Variants in TMEM231 observed in about 807,000 individuals in gnomAD.
The protein encoded by TMEM231 is transmembrane protein 231.
Under a neutral mutation model 38.5 loss-of-function variants are expected in TMEM231, and 40 were observed. That is an observed-to-expected ratio of 1.04 (90% CI 0.81 to 1.35). The LOEUF is 1.35. TMEM231 is among the 40% of genes most tolerant of loss of function. TMEM231 has a pLI of 0.00. For missense variants in TMEM231, 420 were observed against 416.9 expected, an observed-to-expected ratio of 1.01 and a Z score of -0.07; for synonymous variants, 199 against 181.7, an observed-to-expected ratio of 1.10 and a Z score of -0.77.
chr16:75,540,156 C>G lies in TMEM231; in HGVS notation c.789G>C (p.Trp263Cys). The change falls in exon 7 of 7, where the codon TGG becomes TGC. Residue 263 changes from tryptophan (W) to cysteine (C), a missense_variant. Trp to Cys is a radical substitution (Grantham distance 215). Coordinates refer to ENST00000258173, the MANE Select transcript of TMEM231 (RefSeq NM_001077418.3). ...VEVISYQPGF[W>C]EMVKFAWVQY... ...GCACCCAGGCGAACTTTACCATCTCCCAGAATCCTGGCTGATAAGTATGGA... is the reference window on the plus strand; with the variant it reads ...GCACCCAGGCGAACTTTACCATCTCGCAGAATCCTGGCTGATAAGTATGGA... 6.2e-7 allele frequency: 1 copy of G among 1,613,310 alleles called. No individual in the cohort carries two copies. Among genetic ancestry groups the G allele is most frequent in the Non-Finnish European group, 8.5e-7 (1 of 1,179,596 alleles).
rs919696277 is a variant in TMEM231 at position 75,554,956 on chromosome 16, A to G, written c.309+848T>C. On this transcript the variant is annotated intron_variant, in intron 2 of 6. Coordinates refer to ENST00000258173, the MANE Select transcript of TMEM231 (RefSeq NM_001077418.3). ...AAAACAATTTTATTTAGTTGCTGGG[A>G]ACAAGTCTGATTTTCTTTTCTCCTC... is the stretch of plus-strand genomic sequence containing the variant. 3 of 152,328 alleles carry G rather than the reference A, an allele frequency of 2.0e-5. No individual in the cohort carries two copies. The East Asian group carries it at 5.8e-4, about 29-fold the overall frequency. The allele number at this position is 152,328 out of a possible 1,614,324, so 9.4% of individuals were successfully genotyped here.
chr16:75,555,151 T>C (rs1443380344), intron 2 of TMEM231: 1 of 152,166 alleles, frequency 6.6e-6, no homozygotes, highest in Admixed American at 6.5e-5. Flanking sequence ...AAGCAAATAC[T>C]AAATTACAGA....
chr16:75,551,564 A>G (rs933233384), intron 2 of TMEM231, among the ~76,000 whole-genome samples: 4 of 152,258 alleles, frequency 2.6e-5, no homozygotes, highest in Non-Finnish European at 4.4e-5. Flanking sequence ...AACATTTCCA[A>G]TTAAACTATG....
Position 75,547,274 on chromosome 16 carries a change from A to AT in TMEM231, c.310-1321dup, listed in dbSNP as rs1489458913. Among the ~76,000 whole-genome samples the AT allele has an allele frequency of 4.6e-5, 7 of 152,178 alleles. No homozygotes were observed. In the East Asian group the frequency reaches 5.8e-4, roughly 13 times the overall value. On this transcript the variant is annotated intron_variant, in intron 2 of 6. Transcript: ENST00000258173. The stretch of plus-strand genomic sequence containing the variant: ...ACCATTACTATTACGTAAGGAAGAG[A>AT]TTTTTTGTGTGTGTGCTTTTTCAGG...
chr16:75,540,014 A>C lies in TMEM231; in HGVS notation c.931T>G (p.Cys311Gly). 3 of 1,612,648 alleles carry C rather than the reference A, an allele frequency of 1.9e-6. No individual in the cohort carries two copies. The South Asian group carries it at 3.3e-5, about 18-fold the overall frequency. ...CCTTTCTAGGATAAGTGCTCCTTAC[A>C]CAAGTCTCCCCGGGGCGTCACTGTC... ...PVTVTPRGDL[C>G]KEHLS The change falls in exon 7 of 7, where the codon TGT becomes GGT. Residue 311 changes from cysteine to glycine, a missense_variant. Transcript: ENST00000258173.
At chr16:75,553,336 G>A (rs1194818890) in intron 2 of TMEM231, among the ~76,000 whole-genome samples, 1 of 152,200 alleles carries the variant, frequency 6.6e-6, no homozygotes, top group African/African-American at 2.4e-5. Flanking sequence ...CTTCAAAGCA[G>A]TGGCTCACAC....
chr16:75,540,110 T>C lies in TMEM231; in HGVS notation c.835A>G (p.Ile279Val), dbSNP rs777276611. The change falls in exon 7 of 7, where the codon ATC becomes GTC. Residue 279 changes from isoleucine to valine, a missense_variant. By Grantham distance (29) the Ile-to-Val change is conservative. Transcript: ENST00000258173. ...ATTCTTTCAAACACCCAGAGGAAGATAAGCAGGATGCTGACATACTGCACC... is the reference window on the plus strand; with the variant it reads ...ATTCTTTCAAACACCCAGAGGAAGACAAGCAGGATGCTGACATACTGCACC... ...AWVQYVSILL[I>V]FLWVFERIKI... The C allele has an allele frequency of 6.2e-7, 1 of 1,613,872 alleles. No individual in the cohort carries two copies.
chr16:75,544,376 C>T (rs768912009), intron 4 of TMEM231, among the ~76,000 whole-genome samples: 2 of 152,116 alleles, frequency 1.3e-5, no homozygotes, highest in African/African-American at 2.4e-5. Context: ...TGGCATGGTC[C>T]GATAAGCCAC....
chr16:75,544,980 G>C (rs1206942946), intron 4 of TMEM231, among the ~76,000 whole-genome samples: 9 of 121,294 alleles, frequency 7.4e-5, no homozygotes, highest in Middle Eastern at 9.9e-3. Context: ...TTTTGAGACA[G>C]AGTCTTGCTC....
At position 75,539,840 on chromosome 16, in the gene TMEM231, T is replaced by C. The variant is rs2080599459; in HGVS notation, c.*154A>G. 1.7e-6 allele frequency: 1 copy of C among 586,508 alleles called. No individual in the cohort carries two copies. Among genetic ancestry groups the C allele is most frequent in the Non-Finnish European group, 2.9e-6 (1 of 346,708 alleles). The allele number at this position is 586,508 out of a possible 1,614,324, so 36.3% of individuals were successfully genotyped here. A position where few individuals can be genotyped will look rare whatever the true frequency, so the allele number is the denominator to read the frequency against. ...TGCAGGAGCTCTGAAGATACGGAAC[T>C]GTGTAGAGCAAAACCGGAAAGAACC... On this transcript the variant is annotated 3_prime_UTR_variant, in exon 7 of 7. Coordinates refer to ENST00000258173, the MANE Select transcript of TMEM231 (RefSeq NM_001077418.3).
In TMEM231 at chr16:75,545,283, C is replaced by G. The variant is rs373054737; in HGVS notation, c.582+69G>C. ...CCTGACATTTCTACTTTTCATTCCC[C>G]TCTTTAAAGAACTTAATGAACAGTA... On this transcript the variant is annotated intron_variant, in intron 4 of 6. Transcript: ENST00000258173. 12 of 1,550,756 alleles carry G rather than the reference C, an allele frequency of 7.7e-6. No homozygotes were observed. In the East Asian group the frequency reaches 2.0e-4, roughly 26 times the overall value.
At chr16:75,546,180 G>T in intron 2 of TMEM231, 1 of 1,377,856 alleles carries the variant, frequency 7.3e-7, no homozygotes, top group Non-Finnish European at 9.8e-7. Context: ...ATGTTCACTG[G>T]CCAAAATAAA....
intron 4 of TMEM231, 97 bp from the exon 5 acceptor site, chr16:75,542,780 C>A: frequency 9.9e-7 from 1 of 1,008,096 alleles, no homozygotes; most frequent in South Asian, 1.5e-5. Context: ...CACAGAGCAC[C>A]CTCTTGTTCT....
chr16:75,554,099 C>G (rs529966831), intron 2 of TMEM231, among the ~76,000 whole-genome samples: 8 of 152,294 alleles, frequency 5.3e-5, no homozygotes, highest in South Asian at 2.1e-4. Context: ...CTATTCACAA[C>G]TCTGATAACA....
chr16:75,556,173 G>A lies in TMEM231; in HGVS notation c.37C>T (p.Arg13Cys), dbSNP rs775329522. 2 of 1,535,356 alleles carry A rather than the reference G, an allele frequency of 1.3e-6. No homozygotes were observed. Among genetic ancestry groups the A allele is most frequent in the Admixed American group, 2.0e-5 (1 of 50,262 alleles). Residue 13 changes from arginine (R) to cysteine (C), a missense_variant, in exon 1 of 7, where the codon CGC becomes TGC. By Grantham distance (180) the Arg-to-Cys change is radical (BLOSUM62 -3). Transcript: ENST00000258173. Reference sequence around the variant, plus strand: ...GAGCAGAGCCCCGCGCGGTAACTGCGCTCGACCGGGTGAGAGAAGAGCTCA... The same window carrying A: ...GAGCAGAGCCCCGCGCGGTAACTGCACTCGACCGGGTGAGAGAAGAGCTCA... ...LYELFSHPVE[R>C]SYRAGLCSKA...
At chr16:75,550,721 T>TC (rs1024325762) in intron 2 of TMEM231, among the ~76,000 whole-genome samples, 4 of 150,512 alleles carry the variant, frequency 2.7e-5, no homozygotes, top group African/African-American at 9.7e-5. Flanking sequence ...CGTATTCTTT[T>TC]TTTTTTTTTT....
At chr16:75,542,535 T>A in intron 5 of TMEM231, 67 bp downstream of exon 5, 1 of 1,309,610 alleles carries the variant, frequency 7.6e-7, no homozygotes, top group Non-Finnish European at 1.1e-6. Flanking sequence ...GTTCTGCTTG[T>A]CTCTGTTGCC....
intron 2 of TMEM231, among the ~76,000 whole-genome samples, chr16:75,547,849 G>T (rs755438308): frequency 6.6e-6 from 1 of 152,056 alleles, no homozygotes; most frequent in African/African-American, 2.4e-5. Context: ...TTGGGATCTG[G>T]GTAGAAAATC....
rs765091642 is a variant in TMEM231 at position 75,555,990 on chromosome 16, G to A, written c.140-17C>T. On this transcript the variant is annotated splice_polypyrimidine_tract_variant and intron_variant, in intron 1 of 6. Coordinates refer to ENST00000258173, the MANE Select transcript of TMEM231 (RefSeq NM_001077418.3). ...GCCAAAACCCTGAGTTAAAGAGGGCGGTAGGGAGGCGGTTAGGGAGGCCGG... is the reference window on the plus strand; with the variant it reads ...GCCAAAACCCTGAGTTAAAGAGGGCAGTAGGGAGGCGGTTAGGGAGGCCGG... 14 of 1,595,378 alleles carry A rather than the reference G, an allele frequency of 8.8e-6. No homozygotes were observed. The South Asian group carries it at 1.2e-4, about 14-fold the overall frequency.
Sources: gnomAD v4.1 joint callset for allele counts (sites outside exome capture counted in the v4.1 genomes callset) on GRCh38, gnomAD v4.1.1 for gene constraint, MANE v1.5 for transcripts, NCBI Gene and HGNC (gene_info 2026-07-23, HGNC 2026-07-21) for gene names.